Variants in MEGF9 observed in about 807,000 individuals in gnomAD.
The protein encoded by MEGF9 is multiple epidermal growth factor-like domains protein 9.
Under a neutral mutation model 46.8 loss-of-function variants are expected in MEGF9, and 6 were observed. The observed-to-expected ratio is 0.13, with a 90% confidence interval of 0.07 to 0.25. The LOEUF (loss-of-function observed/expected upper bound fraction) is 0.25. Among genes scored for constraint, MEGF9 ranks in the 10% least tolerant of loss-of-function variants. The pLI, the probability that MEGF9 is intolerant of heterozygous loss-of-function variation, is 1.00. For missense variants in MEGF9, 683 were observed against 792.4 expected (o/e 0.86, Z 1.66); for synonymous variants, 302 against 330.7 (o/e 0.91, Z 0.94).
intron 2 of MEGF9, among the ~76,000 whole-genome samples, chr9:120,642,643 T>C (rs2043608137): frequency 6.6e-6 from 1 of 152,248 alleles, no homozygotes; most frequent in Non-Finnish European, 1.5e-5. Context: ...AGCTAATATA[T>C]TTCTCTGTAA....
At chr9:120,671,111 A>G (rs1251499827) in intron 1 of MEGF9, among the ~76,000 whole-genome samples, 3 of 152,230 alleles carry the variant, frequency 2.0e-5, no homozygotes, top group African/African-American at 2.4e-5. Context: ...AGCATGTGAC[A>G]TACTGATACC....
chr9:120,612,485 T>G lies in MEGF9; in HGVS notation c.998A>C (p.Lys333Thr). ...ATCAGGACTCTGATAAAATCCTTCT[T>G]TACATTCTTCACAGTGATTTCCTTT... is the stretch of plus-strand genomic sequence containing the variant. ...NSKGNHCEEC[K>T]EGFYQSPDAT... Residue 333 changes from lysine (K) to threonine (T), a missense_variant, in exon 4 of 6, where the codon AAA (lysine) becomes ACA (threonine). Physicochemically the swap from Lys to Thr is moderately conservative, Grantham distance 78 (BLOSUM62 -1). This residue lies in a region of MEGF9 where 313 missense variants were observed against 421.1 expected (regional missense o/e 0.74). Transcript: ENST00000373930. The G allele has an allele frequency of 6.2e-7, 1 of 1,612,878 alleles. No homozygotes were observed. The highest frequency in any genetic ancestry group is 8.5e-7 in the Non-Finnish European group (1 of 1,179,124).
intron 1 of MEGF9, among the ~76,000 whole-genome samples, chr9:120,707,800 T>C (rs2043935281): frequency 6.6e-6 from 1 of 152,118 alleles, no homozygotes; most frequent in Admixed American, 6.5e-5. Flanking sequence ...CCCAGCACTT[T>C]GGGAAGCTGA....
chr9:120,637,150 T>C lies in MEGF9; in HGVS notation c.804-14395A>G, dbSNP rs1001329247. ...CCAACCCCATGCTCTCTGAAACATGTGCTGTGTCAACTCAGGGTTAAATGG... is the reference window on the plus strand; with the variant it reads ...CCAACCCCATGCTCTCTGAAACATGCGCTGTGTCAACTCAGGGTTAAATGG... On this transcript the variant is annotated intron_variant, in intron 2 of 5. Transcript: ENST00000373930. Among the ~76,000 whole-genome samples, 5 of 152,178 alleles carry C rather than the reference T, an allele frequency of 3.3e-5. 1 individual carries two copies. The highest frequency in any genetic ancestry group is 1.2e-4 in the African/African-American group (5 of 41,454).
At chr9:120,659,127 G>T (rs2043690223) in intron 2 of MEGF9, among the ~76,000 whole-genome samples, 1 of 152,106 alleles carries the variant, frequency 6.6e-6, no homozygotes, top group Non-Finnish European at 1.5e-5. Flanking sequence ...GAAATTTACA[G>T]AAATTATCCC....
chr9:120,654,061 A>G (rs1252190729), intron 2 of MEGF9, among the ~76,000 whole-genome samples: 1 of 152,188 alleles, frequency 6.6e-6, no homozygotes, highest in African/African-American at 2.4e-5. Context: ...ACACTCTGAG[A>G]GCAGCAATGA....
chr9:120,602,855 A>G lies in MEGF9; in HGVS notation c.*2335T>C, dbSNP rs189578450. ...TGCAGTCTGTACACACATATGCAGC[A>G]ACTGCTAGGGAAAGCAAATTTTCCC... On this transcript the variant is annotated 3_prime_UTR_variant, in exon 6 of 6. Coordinates refer to ENST00000373930, the MANE Select transcript of MEGF9 (RefSeq NM_001080497.3). 9.2e-5 allele frequency: 14 copies of G among 152,256 alleles called. No homozygotes were observed. The highest frequency in any genetic ancestry group is 3.1e-4 in the African/African-American group (13 of 41,558). The allele number at this position is 152,256 out of a possible 1,614,324, so 9.4% of individuals were successfully genotyped here. A position where few individuals can be genotyped will look rare whatever the true frequency, so the allele number is the denominator to read the frequency against.
intron 1 of MEGF9, among the ~76,000 whole-genome samples, chr9:120,661,888 C>T (rs116615717): frequency 7.9e-5 from 12 of 152,164 alleles, no homozygotes; most frequent in South Asian, 2.1e-4. Context: ...CTTCTGAAAT[C>T]GGGCAGAAAT....
At chr9:120,695,028 T>C (rs2132340142) in intron 1 of MEGF9, among the ~76,000 whole-genome samples, 1 of 149,054 alleles carries the variant, frequency 6.7e-6, no homozygotes, top group South Asian at 2.1e-4. Flanking sequence ...GCTGGCCATA[T>C]AGTGGTTTAA....
chr9:120,696,884 T>C (rs2043879531), intron 1 of MEGF9, among the ~76,000 whole-genome samples: 1 of 152,244 alleles, frequency 6.6e-6, no homozygotes, highest in African/African-American at 2.4e-5. Flanking sequence ...TGTACTTATG[T>C]ACCTGTAGGA....
intron 2 of MEGF9, among the ~76,000 whole-genome samples, chr9:120,629,438 G>A (rs187040976): frequency 3.3e-5 from 5 of 151,880 alleles, no homozygotes; most frequent in Admixed American, 2.0e-4. Flanking sequence ...CCAGGAGTTC[G>A]AGACCAGCCT....
chr9:120,632,336 G>GT (rs34449214), intron 2 of MEGF9, among the ~76,000 whole-genome samples: 2,201 of 132,954 alleles, frequency 0.017, 40 homozygotes, highest in African/African-American at 0.042. Context: ...ATTCCTAAGT[G>GT]TTTTTTTTTT....
intron 2 of MEGF9, among the ~76,000 whole-genome samples, chr9:120,628,719 A>G (rs2043538004): frequency 6.6e-6 from 1 of 151,880 alleles, no homozygotes; most frequent in Non-Finnish European, 1.5e-5. Context: ...CAGGAGGGAG[A>G]CTTTATTTTT....
At chr9:120,668,392 A>C (rs1169475128) in intron 1 of MEGF9, among the ~76,000 whole-genome samples, 1 of 152,254 alleles carries the variant, frequency 6.6e-6, no homozygotes, top group East Asian at 1.9e-4. Flanking sequence ...CTTTTAAAGA[A>C]AAGCTTTAAG....
chr9:120,706,990 T>C (rs1450225490), intron 1 of MEGF9, among the ~76,000 whole-genome samples: 4 of 152,324 alleles, frequency 2.6e-5, no homozygotes, highest in South Asian at 2.1e-4. Context: ...CCTACTCTTC[T>C]AGGTAGCTGT....
chr9:120,620,851 A>T (rs2043496382), intron 3 of MEGF9, among the ~76,000 whole-genome samples: 1 of 82,594 alleles, frequency 1.2e-5, no homozygotes, highest in South Asian at 5.0e-4. Flanking sequence ...AGATCGCATA[A>T]AAGAAAAAAA....
At chr9:120,657,680 G>C (rs2043683659) in intron 2 of MEGF9, among the ~76,000 whole-genome samples, 1 of 152,172 alleles carries the variant, frequency 6.6e-6, no homozygotes, top group African/African-American at 2.4e-5. Context: ...GCATGTTTTA[G>C]GGGGAGTGGA....
chr9:120,688,911 G>A lies in MEGF9; in HGVS notation c.601+24847C>T, dbSNP rs530726859. Among the ~76,000 whole-genome samples, 3 of 152,240 alleles carry A rather than the reference G, an allele frequency of 2.0e-5. No individual in the cohort carries two copies. In the South Asian group the frequency reaches 6.3e-4, roughly 32 times the overall value. On this transcript the variant is annotated intron_variant, in intron 1 of 5. Coordinates refer to ENST00000373930, the MANE Select transcript of MEGF9 (RefSeq NM_001080497.3). ...AACCAGAGAACTGTAATTCTTCTCT[G>A]AGGTTTCTAGAGAAAAGATTCCTGG...
chr9:120,696,814 G>A (rs768813080), intron 1 of MEGF9, among the ~76,000 whole-genome samples: 36 of 152,134 alleles, frequency 2.4e-4, no homozygotes, highest in Non-Finnish European at 4.1e-4. Flanking sequence ...CAAATATGAT[G>A]AGGTTTTACT....
Sources: gnomAD v4.1 joint callset for allele counts (sites outside exome capture counted in the v4.1 genomes callset) on GRCh38, gnomAD v4.1.1 for gene constraint, gnomAD v4.1.1 regional missense constraint, MANE v1.5 for transcripts, NCBI Gene and HGNC (gene_info 2026-07-23, HGNC 2026-07-21) for gene names.